MACROD2: variants seen among roughly 807,000 people sequenced by gnomAD.
MACROD2 encodes mono-ADP ribosylhydrolase 2, also known as ADP-ribose glycohydrolase MACROD2.
In MACROD2, 36 loss-of-function variants were observed where a neutral mutation model predicts 70.4. The ratio of observed to expected loss-of-function variants is 0.51; its 90% CI spans 0.39 to 0.68. The LOEUF (loss-of-function observed/expected upper bound fraction) is 0.68, where lower values mean the gene tolerates loss of function less well. MACROD2 is among the 30% of genes least tolerant of loss of function. MACROD2 has a pLI of 0.00. For synonymous variants in MACROD2, 172 were observed against 178.8 expected (o/e 0.96, Z 0.30); for missense variants, 496 against 538.4 (o/e 0.92, Z 0.78).
chr20:15,576,520 C>T (rs1449211293), intron 8 of MACROD2, among the ~76,000 whole-genome samples: 2 of 151,240 alleles, frequency 1.3e-5, no homozygotes. Flanking sequence ...AGTGTTCCAC[C>T]AGACTGACTA....
intron 2 of MACROD2, among the ~76,000 whole-genome samples, chr20:14,012,952 C>T (rs2052934321): frequency 1.3e-5 from 2 of 152,132 alleles, no homozygotes; most frequent in African/African-American, 2.4e-5. Context: ...CCTTTGTTTA[C>T]CTTTCTCTTG....
At chr20:14,945,638 G>GT (rs1045106362) in intron 5 of MACROD2, among the ~76,000 whole-genome samples, 16 of 152,084 alleles carry the variant, frequency 1.1e-4, no homozygotes. Flanking sequence ...GAACTCCTGG[G>GT]TATATGGAGA....
At chr20:14,368,177 CA>C (rs1318274698) in intron 3 of MACROD2, among the ~76,000 whole-genome samples, 2 of 152,154 alleles carry the variant, frequency 1.3e-5, no homozygotes, top group Non-Finnish European at 2.9e-5. Flanking sequence ...TATGCTCCCT[CA>C]AGTACAGTTT....
intron 3 of MACROD2, chr20:14,327,396 G>T: frequency 6.2e-7 from 1 of 1,613,628 alleles, no homozygotes; most frequent in Non-Finnish European, 8.5e-7. Flanking sequence ...AACCCGCATC[G>T]CAGCGACACA....
intron 10 of MACROD2, among the ~76,000 whole-genome samples, chr20:15,930,267 A>T (rs1001530053): frequency 6.6e-6 from 1 of 152,178 alleles, no homozygotes; most frequent in Non-Finnish European, 1.5e-5. Context: ...GCTTGTCCTT[A>T]TCAAAGACTT....
chr20:14,463,471 T>G (rs6042743), intron 3 of MACROD2, among the ~76,000 whole-genome samples: 3,891 of 152,170 alleles, frequency 0.026, 184 homozygotes, highest in African/African-American at 0.088. Flanking sequence ...TACAATCATG[T>G]CATCTGCAAA....
At position 14,686,218 on chromosome 20, in the gene MACROD2, G is replaced by A. The variant is rs543592028; in HGVS notation, c.418+1259G>A. Among the ~76,000 whole-genome samples, 60 of 152,076 alleles carry A rather than the reference G, an allele frequency of 3.9e-4. No homozygotes were observed. The Middle Eastern group carries it at 0.01, about 26-fold the overall frequency. On this transcript the variant is annotated intron_variant, in intron 5 of 17. Transcript: ENST00000684519. ...AATGCTTGAGACCAGACATGATTTG[G>A]ATTTCAGATCTTTTTTTCAGATTTT...
chr20:15,428,634 A>G (rs1417511498), intron 6 of MACROD2, among the ~76,000 whole-genome samples: 2 of 152,132 alleles, frequency 1.3e-5, no homozygotes, highest in African/African-American at 2.4e-5. Context: ...AAGCCCCTTT[A>G]CCTTGTCACA....
rs140541214 is a variant in MACROD2 at position 14,185,320 on chromosome 20, T to A, written c.271+99592T>A. Among the ~76,000 whole-genome samples the A allele has an allele frequency of 9.2e-5, 14 of 152,292 alleles. No homozygotes were observed. The East Asian group carries it at 2.7e-3, about 29-fold the overall frequency. ...TCTGACGCACTCTCAGATATTAAAATGCCCTTCTTTCATGTTCCTTGGAAG... is the reference window on the plus strand; with the variant it reads ...TCTGACGCACTCTCAGATATTAAAAAGCCCTTCTTTCATGTTCCTTGGAAG... On this transcript the variant is annotated intron_variant, in intron 3 of 17. Coordinates refer to ENST00000684519, the MANE Select transcript of MACROD2 (RefSeq NM_001351661.2).
intron 5 of MACROD2, among the ~76,000 whole-genome samples, chr20:14,884,752 G>A (rs1434000618): frequency 1.3e-5 from 2 of 152,162 alleles, no homozygotes; most frequent in East Asian, 3.9e-4. Context: ...TGGAATTGAG[G>A]CACAACTGAC....
intron 5 of MACROD2, among the ~76,000 whole-genome samples, chr20:15,225,468 C>G (rs1452584627): frequency 2.6e-5 from 4 of 152,106 alleles, no homozygotes; most frequent in Admixed American, 6.5e-5. Flanking sequence ...TATTCCCTCC[C>G]CCATCTTCAT....
rs1371694224 is a variant in MACROD2, at chr20:14,499,367, C to T, written c.301+5859C>T. Among the ~76,000 whole-genome samples, 6 of 151,994 alleles carry T rather than the reference C, an allele frequency of 3.9e-5. No individual in the cohort carries two copies. In the East Asian group the frequency reaches 1.2e-3, roughly 29 times the overall value. On this transcript the variant is annotated intron_variant, in intron 4 of 17. Transcript: ENST00000684519. ...GCAACATACTGACACCTCATCTCTACAAAAAATAATCAAAAATTAGCCAGG... is the reference window on the plus strand; with the variant it reads ...GCAACATACTGACACCTCATCTCTATAAAAAATAATCAAAAATTAGCCAGG...
chr20:15,010,297 A>G (rs1306577450), intron 5 of MACROD2, among the ~76,000 whole-genome samples: 2 of 152,176 alleles, frequency 1.3e-5, no homozygotes, highest in Non-Finnish European at 2.9e-5. Context: ...AGGTAGTTAC[A>G]CATTATTTGA....
intron 8 of MACROD2, among the ~76,000 whole-genome samples, chr20:15,757,728 T>C (rs1294377500): frequency 1.3e-5 from 2 of 152,224 alleles, no homozygotes; most frequent in African/African-American, 4.8e-5. Flanking sequence ...CTTCTCACTG[T>C]GTCTTCAAAT....
At chr20:14,323,051 A>T (rs1243142285) in intron 3 of MACROD2, 6 of 152,130 alleles carry the variant, frequency 3.9e-5, no homozygotes, top group Non-Finnish European at 5.9e-5. Flanking sequence ...TTGTCTTAAC[A>T]AGTTTTGCCC....
At chr20:16,014,529 G>T (rs1369976481) in intron 15 of MACROD2, among the ~76,000 whole-genome samples, 5 of 152,210 alleles carry the variant, frequency 3.3e-5, no homozygotes, top group Admixed American at 3.3e-4. Context: ...TCTCTCATTT[G>T]TAAAGCAACC....
intron 3 of MACROD2, among the ~76,000 whole-genome samples, chr20:14,347,326 G>A (rs1454994987): frequency 6.6e-6 from 1 of 152,144 alleles, no homozygotes; most frequent in Non-Finnish European, 1.5e-5. Flanking sequence ...CATCCTTGTA[G>A]TGCGTTTTGG....
chr20:14,139,862 T>C (rs2054846359), intron 3 of MACROD2, among the ~76,000 whole-genome samples: 1 of 152,138 alleles, frequency 6.6e-6, no homozygotes, highest in Non-Finnish European at 1.5e-5. Context: ...ACATCTGACT[T>C]CATGTGAAGG....
chr20:14,294,079 A>C (rs2082408257), intron 3 of MACROD2, among the ~76,000 whole-genome samples: 1 of 151,802 alleles, frequency 6.6e-6, no homozygotes, highest in Non-Finnish European at 1.5e-5. Flanking sequence ...TTAGGTACCT[A>C]AACTGTATTT....
Sources: gnomAD v4.1 joint callset for allele counts (sites outside exome capture counted in the v4.1 genomes callset) on GRCh38, gnomAD v4.1.1 for gene constraint, MANE v1.5 for transcripts, NCBI Gene and HGNC (gene_info 2026-07-23, HGNC 2026-07-21) for gene names.